METTL22: variants seen among roughly 807,000 people sequenced by gnomAD.
The protein encoded by METTL22 is methyltransferase-like protein 22.
Under a neutral mutation model 48.4 loss-of-function variants are expected in METTL22, and 51 were observed. The observed-to-expected ratio is 1.05, with a 90% CI of 0.84 to 1.33. The LOEUF is 1.33. Ranked by LOEUF, METTL22 falls within the 40% of genes most tolerant of loss-of-function variation. METTL22 has a pLI of 0.00. For synonymous variants in METTL22, 255 were observed against 214.1 expected, an observed-to-expected ratio of 1.19 and a Z score of -1.67; for missense variants, 678 against 526.9, an observed-to-expected ratio of 1.29 and a Z score of -2.81.
chr16:8,665,241 G>C, the METTL22 span, among the ~76,000 whole-genome samples: 1 of 152,162 alleles, frequency 6.6e-6, no homozygotes, highest in Non-Finnish European at 1.5e-5. Context: ...AGGAGATCGA[G>C]GCTGCAGTGA....
chr16:8,653,785 C>T (rs929431918), downstream of METTL22, among the ~76,000 whole-genome samples: 1 of 152,022 alleles, frequency 6.6e-6, no homozygotes, highest in Non-Finnish European at 1.5e-5. Context: ...CCATCATTTC[C>T]AAGGCTCAAG....
the METTL22 span, among the ~76,000 whole-genome samples, chr16:8,659,035 T>G: frequency 6.6e-6 from 1 of 151,104 alleles, no homozygotes. Context: ...CATTTAAAAC[T>G]TGGTGTGATA....
chr16:8,635,990 G>A (rs886348982), intron 5 of METTL22, among the ~76,000 whole-genome samples: 2 of 152,162 alleles, frequency 1.3e-5, no homozygotes, highest in Admixed American at 6.5e-5. Context: ...TATTTAGGGG[G>A]TACAAGTGCG....
chr16:8,640,973 G>GCTGGCTAT lies in METTL22; in HGVS notation c.773-152_773-151insATCTGGCT, dbSNP rs1555475067. ...GGGTGGATGGCTGGCTGGCTGGCTG[G>GCTGGCTAT]CTGGCTGGCTGTAAAGATGGAAGGG... On this transcript the variant is annotated intron_variant, in intron 6 of 10. Transcript: ENST00000381920. Among the ~76,000 whole-genome samples, 2 of 40,238 alleles carry GCTGGCTAT rather than the reference G, an allele frequency of 5.0e-5. 1 individual carries two copies. The highest frequency in any genetic ancestry group is 1.0e-4 in the Non-Finnish European group (2 of 19,284). The allele number at this position is 40,238 out of a possible 152,430, so 26.4% of individuals were successfully genotyped here. A position where few individuals can be genotyped will look rare whatever the true frequency, so the allele number is the denominator to read the frequency against.
Position 8,628,750 on chromosome 16 carries a change from C to G in METTL22, c.154C>G (p.Leu52Val), listed in dbSNP as rs2056148924. Residue 52 changes from leucine (L) to valine (V), a missense_variant, in exon 3 of 11, where the codon CTT becomes GTT. Coordinates refer to ENST00000381920, the MANE Select transcript of METTL22 (RefSeq NM_024109.4). Reference sequence around the variant, plus strand: ...TTCAGTTTTCCTGTCCCAATTCAAGCTTCTATGGAGCCAAGACTCTTGGAC... The same window carrying G: ...TTCAGTTTTCCTGTCCCAATTCAAGGTTCTATGGAGCCAAGACTCTTGGAC... ...GQPVFLSQFK[L>V]LWSQDSWTDS... is the part of the protein sequence containing the mutation. 1 of 1,611,180 alleles carries G rather than the reference C, an allele frequency of 6.2e-7. No homozygotes were observed. The highest frequency in any genetic ancestry group is 1.7e-5 in the Admixed American group (1 of 59,590).
At chr16:8,627,491 A>T (rs758619229) in intron 2 of METTL22, among the ~76,000 whole-genome samples, 1 of 151,814 alleles carries the variant, frequency 6.6e-6, no homozygotes, top group African/African-American at 2.4e-5. Context: ...CCTAACCCCA[A>T]CTACCCTGTA....
At chr16:8,665,767 G>C in the METTL22 span, among the ~76,000 whole-genome samples, 1 of 152,160 alleles carries the variant, frequency 6.6e-6, no homozygotes, top group Non-Finnish European at 1.5e-5. Context: ...TCTCCCCAAG[G>C]AGCTTCCTGG....
At chr16:8,659,609 A>G in the METTL22 span, among the ~76,000 whole-genome samples, 1 of 152,224 alleles carries the variant, frequency 6.6e-6, no homozygotes, top group African/African-American at 2.4e-5. Context: ...CAGGTAGTGT[A>G]AAGAACCACA....
chr16:8,622,865 G>T (rs150219154), intron 1 of METTL22, among the ~76,000 whole-genome samples: 2,831 of 152,268 alleles, frequency 0.019, 103 homozygotes, highest in African/African-American at 0.063. Flanking sequence ...GGGAAGCCTG[G>T]TTGGGTTGAA....
Position 8,628,884 on chromosome 16 carries a change from G to A in METTL22, c.288G>A (p.Glu96=), listed in dbSNP as rs1422723774. ...CTCCAGGAAGTGGCCATGGTAATGAGGGTTTCTCCCTCCAGGCCGGGACTG... is the reference window on the plus strand; with the variant it reads ...CTCCAGGAAGTGGCCATGGTAATGAAGGTTTCTCCCTCCAGGCCGGGACTG... The part of the protein sequence containing the change: ...GSPPGSGHGN[E]GFSLQAGTDT... Residue 96 remains glutamate (E), a synonymous_variant, in exon 3 of 11, where the codon GAG becomes GAA. Transcript: ENST00000381920. 24 of 1,613,780 alleles carry A rather than the reference G, an allele frequency of 1.5e-5. No homozygotes were observed. The Admixed American group carries it at 4.0e-4, about 27-fold the overall frequency.
intron 3 of METTL22, 147 bp downstream of exon 3, chr16:8,629,257 T>G: frequency 9.7e-6 from 10 of 1,034,516 alleles, no homozygotes; most frequent in Non-Finnish European, 1.3e-5. Flanking sequence ...GGGGAAGCTC[T>G]CCACAACCCC....
chr16:8,660,807 AGGAGGAGGAGGAGGAGGAGGAGGG>A, the METTL22 span, among the ~76,000 whole-genome samples: 48 of 3,376 alleles, frequency 0.014, 1 homozygote, highest in South Asian at 0.029. Flanking sequence ...GAGGAGGAGG[AGGAGGAGGAGGAGGAGGAGGAGGG>A]GGAGGAGGGG....
At chr16:8,622,074 G>C (rs2055870771) in intron 1 of METTL22, among the ~76,000 whole-genome samples, 1 of 152,176 alleles carries the variant, frequency 6.6e-6, no homozygotes, top group Non-Finnish European at 1.5e-5. Context: ...CAAGGGTGGC[G>C]TCAGGAAGGC....
chr16:8,659,740 T>C, the METTL22 span, among the ~76,000 whole-genome samples: 7 of 151,928 alleles, frequency 4.6e-5, no homozygotes, highest in Non-Finnish European at 8.8e-5. Flanking sequence ...TTTTTTTTTT[T>C]CCAGACAGCG....
At position 8,648,671 on chromosome 16, in the gene METTL22, C is replaced by G. The variant is rs554981025; in HGVS notation, c.*2528C>G. 1 of 152,910 alleles carries G rather than the reference C, an allele frequency of 6.5e-6. No individual in the cohort carries two copies. The highest frequency in any genetic ancestry group is 2.4e-5 in the African/African-American group (1 of 41,510). The allele number at this position is 152,910 out of a possible 1,614,324, so 9.5% of individuals were successfully genotyped here. A position where few individuals can be genotyped will look rare whatever the true frequency, so the allele number is the denominator to read the frequency against. On this transcript the variant is annotated 3_prime_UTR_variant, in exon 11 of 11. Coordinates refer to ENST00000381920, the MANE Select transcript of METTL22 (RefSeq NM_024109.4). ...GGCGTAGTGGCTAACGCCTGTAGTC[C>G]CAACTACTCAGAAGGCAAGGTGAGA... is the stretch of plus-strand genomic sequence containing the variant.
intron 5 of METTL22, among the ~76,000 whole-genome samples, chr16:8,637,865 T>C (rs1272551631): frequency 2.0e-5 from 3 of 151,850 alleles, no homozygotes; most frequent in Non-Finnish European, 4.4e-5. Flanking sequence ...TGGCCAGGCG[T>C]GGTGGCTAAT....
Position 8,635,278 on chromosome 16 carries a change from C to A in METTL22, c.666C>A (p.Ile222=). 2 of 1,600,490 alleles carry A rather than the reference C, an allele frequency of 1.2e-6. No homozygotes were observed. The highest frequency in any genetic ancestry group is 1.7e-6 in the Non-Finnish European group (2 of 1,173,860). ...CCGGCACGGGGCTCGCTAGCATCAT[C>A]GCAGCCACCATGGCACGGACCGTTT... ...LGAGTGLASI[I]AATMARTVYC... is the part of the protein sequence containing the mutation. Residue 222 remains isoleucine, a synonymous_variant, in exon 5 of 11, where the codon ATC becomes ATA. Transcript: ENST00000381920.
chr16:8,657,815 C>CTTTTTTTTTTTT, the METTL22 span, among the ~76,000 whole-genome samples: 1 of 104,888 alleles, frequency 9.5e-6, no homozygotes, highest in East Asian at 2.2e-4. Flanking sequence ...TTTTTCTTTT[C>CTTTTTTTTTTTT]TTTTCTTTCT....
the METTL22 span, among the ~76,000 whole-genome samples, chr16:8,660,287 G>A: frequency 5.9e-5 from 9 of 151,838 alleles, no homozygotes; most frequent in African/African-American, 1.7e-4. Flanking sequence ...AGCAATTCTC[G>A]TGCCTCAGCC....
Sources: allele counts gnomAD v4.1 joint callset (sites outside exome capture counted in the v4.1 genomes callset), GRCh38; gene constraint gnomAD v4.1.1; transcripts MANE v1.5; gene names NCBI Gene and HGNC (gene_info 2026-07-23, HGNC 2026-07-21).